The following WDR70 variants were observed in gnomAD, a reference collection of about 807,000 sequenced individuals.
WDR70 encodes WD repeat-containing protein 70.
Under a neutral mutation model 88.6 loss-of-function variants are expected in WDR70, and 53 were observed. The ratio of observed to expected loss-of-function variants is 0.60; its 90% confidence interval spans 0.48 to 0.75. The LOEUF (loss-of-function observed/expected upper bound fraction) is 0.75. Among genes scored for constraint, WDR70 ranks in the 30% least tolerant of loss-of-function variants. The pLI, the probability that WDR70 is intolerant of heterozygous loss-of-function variation, is 0.00. For synonymous variants in WDR70, 280 were observed against 270.0 expected, an observed-to-expected ratio of 1.04 and a Z score of -0.36; for missense variants, 610 against 823.2, an observed-to-expected ratio of 0.74 and a Z score of 3.17.
intron 5 of WDR70, among the ~76,000 whole-genome samples, chr5:37,396,909 G>A (rs892027942): frequency 1.1e-4 from 17 of 152,212 alleles, no homozygotes; most frequent in East Asian, 1.9e-4. Context: ...TTGGGAGGCC[G>A]AGGTGGACGG....
chr5:37,430,406 A>G (rs751125505), intron 5 of WDR70, among the ~76,000 whole-genome samples: 5 of 152,238 alleles, frequency 3.3e-5, no homozygotes, highest in Non-Finnish European at 7.3e-5. Context: ...AATTAATTCT[A>G]GAATTGGACA....
At chr5:37,559,943 A>G (rs1444667852) in intron 9 of WDR70, among the ~76,000 whole-genome samples, 1 of 151,960 alleles carries the variant, frequency 6.6e-6, no homozygotes, top group African/African-American at 2.4e-5. Flanking sequence ...TATATTTAAA[A>G]ATGTCACCTG....
At chr5:37,454,607 C>G (rs1463858552) in intron 7 of WDR70, among the ~76,000 whole-genome samples, 1 of 152,152 alleles carries the variant, frequency 6.6e-6, no homozygotes, top group Non-Finnish European at 1.5e-5. Flanking sequence ...ATGGATGAGT[C>G]AATGCTGTAG....
At chr5:37,660,623 C>T (rs970367813) in intron 10 of WDR70, among the ~76,000 whole-genome samples, 2 of 152,150 alleles carry the variant, frequency 1.3e-5, no homozygotes, top group Middle Eastern at 3.4e-3. Flanking sequence ...CTGCAGGTTA[C>T]TTTTGATTTG....
chr5:37,728,348 C>CAAA (rs1271317565), intron 17 of WDR70, among the ~76,000 whole-genome samples: 10 of 49,966 alleles, frequency 2.0e-4, no homozygotes, highest in African/African-American at 5.4e-4. Context: ...ACCTTGCCTC[C>CAAA]AAAAAAAAAA....
chr5:37,532,576 A>G (rs571530422), intron 9 of WDR70, among the ~76,000 whole-genome samples: 1 of 151,868 alleles, frequency 6.6e-6, no homozygotes, highest in East Asian at 1.9e-4. Flanking sequence ...TGTATTTTGC[A>G]TTTCTCTGAG....
At chr5:37,633,049 A>G (rs1260708103) in intron 10 of WDR70, among the ~76,000 whole-genome samples, 1 of 152,204 alleles carries the variant, frequency 6.6e-6, no homozygotes, top group Non-Finnish European at 1.5e-5. Context: ...TATTCTGTAC[A>G]GGTTTGTAGC....
intron 6 of WDR70, among the ~76,000 whole-genome samples, chr5:37,439,756 G>A (rs1750595983): frequency 1.3e-5 from 2 of 151,352 alleles, no homozygotes; most frequent in South Asian, 4.2e-4. Context: ...TTTTAAAAAG[G>A]TCCATAAGGC....
intron 8 of WDR70, among the ~76,000 whole-genome samples, chr5:37,480,779 C>G (rs1739640268): frequency 6.6e-6 from 1 of 152,128 alleles, no homozygotes; most frequent in Non-Finnish European, 1.5e-5. Flanking sequence ...CATGCCTTCC[C>G]CAAAGTCCCC....
intron 9 of WDR70, among the ~76,000 whole-genome samples, chr5:37,592,503 C>T (rs967995104): frequency 6.6e-6 from 1 of 152,172 alleles, no homozygotes; most frequent in East Asian, 1.9e-4. Flanking sequence ...AGTAGCATCA[C>T]CAGAATACGT....
chr5:37,650,041 ACTT>A (rs1422226185), intron 10 of WDR70, among the ~76,000 whole-genome samples: 1 of 139,722 alleles, frequency 7.2e-6, no homozygotes, highest in African/African-American at 2.6e-5. Flanking sequence ...CCGGCCTATT[ACTT>A]CTTATTATCA....
intron 17 of WDR70, among the ~76,000 whole-genome samples, chr5:37,733,437 T>C (rs1189220702): frequency 6.6e-6 from 1 of 152,156 alleles, no homozygotes; most frequent in African/African-American, 2.4e-5. Flanking sequence ...AATTTACTTA[T>C]TTCAAGTTGG....
intron 2 of WDR70, among the ~76,000 whole-genome samples, chr5:37,379,996 G>A (rs1008195738): frequency 6.6e-6 from 1 of 152,040 alleles, no homozygotes; most frequent in Non-Finnish European, 1.5e-5. Context: ...CAAAAAACTT[G>A]TTCCAGGTTA....
At chr5:37,443,401 T>G (rs777482808) in intron 7 of WDR70, 29 bp downstream of exon 7, 8 of 1,611,948 alleles carry the variant, frequency 5.0e-6, no homozygotes, top group Non-Finnish European at 6.8e-6. Context: ...AATATCTTCA[T>G]ATTTGACCTA....
At chr5:37,542,477 T>TA (rs1326873766) in intron 9 of WDR70, among the ~76,000 whole-genome samples, 3 of 151,984 alleles carry the variant, frequency 2.0e-5, no homozygotes, top group African/African-American at 7.2e-5. Flanking sequence ...GACGGGGTTT[T>TA]ACCACATGTT....
intron 9 of WDR70, among the ~76,000 whole-genome samples, chr5:37,550,932 A>C (rs369230182): frequency 6.6e-5 from 10 of 152,220 alleles, no homozygotes; most frequent in Admixed American, 2.0e-4. Context: ...TGCAGATACT[A>C]TCTTGTAACC....
At chr5:37,713,404 T>C (rs1478843361) in intron 13 of WDR70, among the ~76,000 whole-genome samples, 1 of 152,182 alleles carries the variant, frequency 6.6e-6, no homozygotes, top group Non-Finnish European at 1.5e-5. Flanking sequence ...TTTGAAACAA[T>C]AGAAATAGTC....
intron 5 of WDR70, among the ~76,000 whole-genome samples, chr5:37,434,243 G>A (rs56341418): frequency 0.014 from 2,064 of 152,188 alleles, 45 homozygotes; most frequent in African/African-American, 0.047. Context: ...AACAGCATGG[G>A]GAAACTGCCC....
At chr5:37,527,089 C>G (rs947384154) in intron 9 of WDR70, among the ~76,000 whole-genome samples, 60 of 152,132 alleles carry the variant, frequency 3.9e-4, no homozygotes, top group Admixed American at 6.5e-5. Flanking sequence ...CCATCCCCAT[C>G]AAGCTACCAA....
Sources: allele counts gnomAD v4.1 joint callset (sites outside exome capture counted in the v4.1 genomes callset), GRCh38; gene constraint gnomAD v4.1.1; transcripts MANE v1.5; gene names NCBI Gene and HGNC (gene_info 2026-07-23, HGNC 2026-07-21).